PLEKHS1: variants seen among roughly 807,000 people sequenced by gnomAD.
The protein encoded by PLEKHS1 is pleckstrin homology domain containing S1, also known as pleckstrin homology domain-containing family S member 1.
Under a neutral mutation model 51.0 loss-of-function variants are expected in PLEKHS1, and 55 were observed. That is an observed-to-expected ratio of 1.08 (90% confidence interval 0.87 to 1.35). The LOEUF is 1.35. PLEKHS1 is among the 40% of genes most tolerant of loss of function. The pLI, the probability that PLEKHS1 is intolerant of heterozygous loss-of-function variation, is 0.00. For missense variants in PLEKHS1, 398 were observed against 423.0 expected (o/e 0.94, Z 0.52); for synonymous variants, 153 against 144.8 (o/e 1.06, Z -0.41).
At chr10:113,780,363 G>A (rs1448339204) in intron 11 of PLEKHS1, among the ~76,000 whole-genome samples, 1 of 152,036 alleles carries the variant, frequency 6.6e-6, no homozygotes, top group Non-Finnish European at 1.5e-5. Flanking sequence ...AATGCTACCT[G>A]GATCCTTCCT....
exon 12 of PLEKHS1, chr10:113,782,367 A>T (rs1342456382): frequency 6.6e-6 from 1 of 152,206 alleles, no homozygotes; most frequent in Non-Finnish European, 1.5e-5. Flanking sequence ...GAGACATTCA[A>T]ATACATTTCA....
At chr10:113,775,148 G>C (rs906296057) in intron 10 of PLEKHS1, 113 bp downstream of exon 10, 1 of 1,013,700 alleles carries the variant, frequency 9.9e-7, no homozygotes, top group Non-Finnish European at 1.4e-6. Flanking sequence ...AAATCTCCAA[G>C]TCAGCCAAAA....
Position 113,776,984 on chromosome 10 carries a change from G to A in PLEKHS1, c.1091+1118G>A. 6 of 989,304 alleles carry A rather than the reference G, an allele frequency of 6.1e-6. No homozygotes were observed. The South Asian group carries it at 8.4e-5, about 14-fold the overall frequency. 61.3% of individuals were successfully genotyped at this position (989,304 alleles called of 1,614,324 possible). A position where few individuals can be genotyped will look rare whatever the true frequency, so the allele number is the denominator to read the frequency against. On this transcript the variant is annotated intron_variant, in intron 11 of 11. Coordinates refer to ENST00000361048, the Ensembl canonical transcript of PLEKHS1. ...GTTAGGCTCCTATTGTAGTGACAGAGGAAACAATATTCTAAACAGAAGGAG... is the reference window on the plus strand; with the variant it reads ...GTTAGGCTCCTATTGTAGTGACAGAAGAAACAATATTCTAAACAGAAGGAG...
chr10:113,759,765 A>G (rs925402094), intron 2 of PLEKHS1, among the ~76,000 whole-genome samples: 9 of 152,168 alleles, frequency 5.9e-5, no homozygotes, highest in Admixed American at 5.9e-4. Flanking sequence ...TTGTAAAATC[A>G]TATATTTCTT....
At chr10:113,763,242 T>C (rs1385223571) in intron 2 of PLEKHS1, among the ~76,000 whole-genome samples, 1 of 152,160 alleles carries the variant, frequency 6.6e-6, no homozygotes, top group African/African-American at 2.4e-5. Context: ...ACATTGATGT[T>C]AATATAGGCA....
At chr10:113,751,845 T>C (rs1361635370) in intron 1 of PLEKHS1, 84 bp downstream of exon 1, 6 of 152,118 alleles carry the variant, frequency 3.9e-5, no homozygotes, top group Admixed American at 3.3e-4. Flanking sequence ...AATTGCAAAA[T>C]TGGAAATGGA....
At chr10:113,778,341 A>G (rs2134588044) in intron 11 of PLEKHS1, among the ~76,000 whole-genome samples, 1 of 152,330 alleles carries the variant, frequency 6.6e-6, no homozygotes, top group African/African-American at 2.4e-5. Context: ...AGTCCAAAAT[A>G]TTGGACTTTC....
intron 11 of PLEKHS1, among the ~76,000 whole-genome samples, chr10:113,780,306 G>A (rs958654684): frequency 6.6e-6 from 1 of 152,164 alleles, no homozygotes; most frequent in Admixed American, 6.5e-5. Flanking sequence ...CTTGTTTGAA[G>A]AGGCCTTTTT....
chr10:113,782,638 C>T (rs1212870627), downstream of PLEKHS1: 1 of 152,230 alleles, frequency 6.6e-6, no homozygotes, highest in African/African-American at 2.4e-5. Flanking sequence ...AGCACCTCTC[C>T]GCTCACTCTC....
At chr10:113,779,094 G>A (rs1349382515) in intron 11 of PLEKHS1, among the ~76,000 whole-genome samples, 1 of 152,220 alleles carries the variant, frequency 6.6e-6, no homozygotes, top group Non-Finnish European at 1.5e-5. Context: ...TGAACACAGG[G>A]CCATAGGATC....
At chr10:113,758,378 G>T (rs1843767688) in intron 2 of PLEKHS1, among the ~76,000 whole-genome samples, 1 of 152,160 alleles carries the variant, frequency 6.6e-6, no homozygotes, top group South Asian at 2.1e-4. Context: ...CTCCATCAGA[G>T]CTCTTGGGTG....
chr10:113,756,013 C>T (rs1412610703), intron 2 of PLEKHS1, among the ~76,000 whole-genome samples: 1 of 152,168 alleles, frequency 6.6e-6, no homozygotes, highest in East Asian at 1.9e-4. Flanking sequence ...TATCAAGTAT[C>T]CTTGCTCTTA....
At chr10:113,768,884 C>T in exon 6 of PLEKHS1, 2 of 1,612,438 alleles carry the variant, frequency 1.2e-6, no homozygotes, top group African/African-American at 2.7e-5. Flanking sequence ...CACAGCAGAA[C>T]ACAGAGGTGA....
chr10:113,768,020 G>C (rs548901449), intron 5 of PLEKHS1, among the ~76,000 whole-genome samples: 1 of 152,206 alleles, frequency 6.6e-6, no homozygotes, highest in South Asian at 2.1e-4. Context: ...GTCACATTCT[G>C]AAGTATTGGG....
chr10:113,765,353 T>C (rs754455354), intron 2 of PLEKHS1: 1 of 779,378 alleles, frequency 1.3e-6, no homozygotes, highest in Non-Finnish European at 2.4e-6. Context: ...CTCTACCCAA[T>C]GCCCTGTAAA....
chr10:113,766,105 C>T (rs900290471), intron 2 of PLEKHS1, among the ~76,000 whole-genome samples: 1 of 152,196 alleles, frequency 6.6e-6, no homozygotes, highest in Admixed American at 6.5e-5. Context: ...CATGCTTCTG[C>T]AATGGAAATA....
chr10:113,764,930 A>G (rs1844093437), intron 2 of PLEKHS1: 1 of 153,330 alleles, frequency 6.5e-6, no homozygotes. Flanking sequence ...TTAAAATTTC[A>G]CTTTAGGTCT....
chr10:113,760,771 C>T (rs1317912086), intron 2 of PLEKHS1, among the ~76,000 whole-genome samples: 1 of 152,094 alleles, frequency 6.6e-6, no homozygotes. Context: ...AGTCTTTTCA[C>T]TTTCTTAATA....
At chr10:113,769,858 G>A (rs868501861) in exon 7 of PLEKHS1, 6 of 1,614,046 alleles carry the variant, frequency 3.7e-6, no homozygotes, top group Non-Finnish European at 5.1e-6. Context: ...GCACATCAGA[G>A]GCTGTTGGCT....
Sources: allele counts gnomAD v4.1 joint callset (sites outside exome capture counted in the v4.1 genomes callset), GRCh38; gene constraint gnomAD v4.1.1; transcripts MANE v1.5; gene names NCBI Gene and HGNC (gene_info 2026-07-23, HGNC 2026-07-21).